Variants in SAMMSON observed in about 807,000 individuals in gnomAD.
The protein encoded by SAMMSON is survival associated mitochondrial melanoma specific oncogenic non-coding RNA.
At chr3:70,045,850 T>G (rs2107587881) in intron 3 of SAMMSON, among the ~76,000 whole-genome samples, 1 of 152,236 alleles carries the variant, frequency 6.6e-6, no homozygotes, top group South Asian at 2.1e-4. Context: ...ATCATACAAA[T>G]TATTCCTTTT....
intron 4 of SAMMSON, among the ~76,000 whole-genome samples, chr3:70,193,444 CA>C (rs1213516640): frequency 2.0e-5 from 3 of 152,164 alleles, no homozygotes; most frequent in Non-Finnish European, 4.4e-5. Flanking sequence ...CAGGAATACA[CA>C]ACTATGCCAG....
intron 3 of SAMMSON, among the ~76,000 whole-genome samples, chr3:70,023,795 A>G (rs1165822185): frequency 1.3e-5 from 2 of 152,164 alleles, no homozygotes; most frequent in Non-Finnish European, 2.9e-5. Context: ...ATGTATTCCA[A>G]TAAAACTTTA....
At chr3:70,283,428 T>C (rs1214865720) in intron 6 of SAMMSON, among the ~76,000 whole-genome samples, 1 of 152,128 alleles carries the variant, frequency 6.6e-6, no homozygotes, top group Non-Finnish European at 1.5e-5. Context: ...CCCTGGATAC[T>C]GTAGAATTGT....
At chr3:70,097,865 T>C (rs953205753) in intron 4 of SAMMSON, among the ~76,000 whole-genome samples, 1 of 152,170 alleles carries the variant, frequency 6.6e-6, no homozygotes, top group Non-Finnish European at 1.5e-5. Flanking sequence ...ACAAACCATT[T>C]CATAGTTCTT....
intron 3 of SAMMSON, among the ~76,000 whole-genome samples, chr3:70,020,968 T>C (rs1209884242): frequency 6.6e-6 from 1 of 152,158 alleles, no homozygotes; most frequent in Non-Finnish European, 1.5e-5. Context: ...GTGTTGGTAA[T>C]GGTGAATGAA....
intron 4 of SAMMSON, among the ~76,000 whole-genome samples, chr3:70,171,649 A>G (rs1700955668): frequency 6.6e-6 from 1 of 151,934 alleles, no homozygotes; most frequent in African/African-American, 2.4e-5. Context: ...TTTTTACTCA[A>G]ATATGAATTA....
intron 7 of SAMMSON, among the ~76,000 whole-genome samples, chr3:70,307,198 G>T (rs552447840): frequency 1.8e-4 from 28 of 152,148 alleles, no homozygotes; most frequent in African/African-American, 6.7e-4. Context: ...TTGTTGTTTT[G>T]GTGGTGGTGT....
chr3:70,123,313 C>T (rs2067442795), intron 4 of SAMMSON, among the ~76,000 whole-genome samples: 1 of 152,210 alleles, frequency 6.6e-6, no homozygotes, highest in Non-Finnish European at 1.5e-5. Context: ...GTTGCCTAGG[C>T]TGGAGTACAG....
chr3:70,395,505 G>GT (rs1701084926), intron 2 of SAMMSON, among the ~76,000 whole-genome samples: 1 of 151,964 alleles, frequency 6.6e-6, no homozygotes, highest in South Asian at 2.1e-4. Flanking sequence ...AAAGTGCCTA[G>GT]TTTTTGCCTA....
At chr3:70,318,464 G>C (rs1283223116) in intron 7 of SAMMSON, among the ~76,000 whole-genome samples, 1 of 150,920 alleles carries the variant, frequency 6.6e-6, no homozygotes. Context: ...TTAACATTTT[G>C]TGTGTGTGTG....
At chr3:70,019,862 C>T (rs1466472083) in intron 3 of SAMMSON, among the ~76,000 whole-genome samples, 5 of 152,044 alleles carry the variant, frequency 3.3e-5, no homozygotes, top group African/African-American at 7.2e-5. Context: ...CAGTAAGGAA[C>T]CCTGTTTGGC....
intron 9 of SAMMSON, among the ~76,000 whole-genome samples, chr3:70,385,374 C>G (rs187970368): frequency 1.3e-5 from 2 of 152,188 alleles, no homozygotes; most frequent in East Asian, 3.9e-4. Flanking sequence ...AAATTGGGCA[C>G]AGCTATTAGC....
At chr3:70,099,491 A>T (rs183607083) in intron 4 of SAMMSON, among the ~76,000 whole-genome samples, 1 of 152,204 alleles carries the variant, frequency 6.6e-6, no homozygotes, top group East Asian at 1.9e-4. Flanking sequence ...TTCTATGGTC[A>T]TTTAGGGTTT....
At chr3:70,080,703 T>TTTTA (rs1469966394) in intron 4 of SAMMSON, among the ~76,000 whole-genome samples, 1 of 152,144 alleles carries the variant, frequency 6.6e-6, no homozygotes, top group African/African-American at 2.4e-5. Flanking sequence ...TTTTTTTTTT[T>TTTTA]TTAACCAAAT....
chr3:70,069,912 A>G (rs909913558), intron 3 of SAMMSON: 3 of 152,104 alleles, frequency 2.0e-5, no homozygotes, highest in Admixed American at 2.0e-4. Context: ...TTATAAGAAG[A>G]TTAGAAATAT....
At position 70,289,766 on chromosome 3, in the gene SAMMSON, T is replaced by C. The variant is rs551052075; in HGVS notation, n.675-1413T>C. Among the ~76,000 whole-genome samples, 348 of 152,302 alleles carry C rather than the reference T, an allele frequency of 2.3e-3. 3 individuals are homozygous for C. Among genetic ancestry groups the C allele is most frequent in the African/African-American group, 8.0e-3 (331 of 41,568 alleles). ...TGGAGGGTTTGCTCGTTTCTTTTTA[T>C]TCTTTTTTCTCTAAACTTTCCTTCT... On this transcript the variant is annotated intron_variant and non_coding_transcript_variant, in intron 6 of 9. Coordinates refer to ENST00000642114, the Ensembl canonical transcript of SAMMSON.
chr3:70,005,023 T>C (rs1309843327), intron 1 of SAMMSON, among the ~76,000 whole-genome samples: 2 of 152,236 alleles, frequency 1.3e-5, no homozygotes, highest in Non-Finnish European at 2.9e-5. Flanking sequence ...GCCAGAACTC[T>C]GAATGCTAGA....
In SAMMSON at chr3:70,044,581, T is replaced by C. The variant is rs1382313493; in HGVS notation, n.418-26895T>C. 2.0e-5 allele frequency among the ~76,000 whole-genome samples: 3 copies of C among 152,106 alleles called. No homozygotes were observed. In the East Asian group the frequency reaches 5.8e-4, roughly 29 times the overall value. On this transcript the variant is annotated intron_variant and non_coding_transcript_variant, in intron 3 of 9. Transcript: ENST00000642114. ...AACTTTGTAGCACTGAGAACAGGTATCAAAGGCAGTGAAGATACGGATTGG... is the reference window on the plus strand; with the variant it reads ...AACTTTGTAGCACTGAGAACAGGTACCAAAGGCAGTGAAGATACGGATTGG...
intron 4 of SAMMSON, among the ~76,000 whole-genome samples, chr3:70,189,607 T>C (rs915942375): frequency 1.5e-4 from 23 of 152,162 alleles, no homozygotes; most frequent in Non-Finnish European, 3.1e-4. Flanking sequence ...AAGAGGCAGA[T>C]GAAAAGGTAA....
Sources: gnomAD v4.1 joint callset for allele counts (sites outside exome capture counted in the v4.1 genomes callset) on GRCh38, gnomAD v4.1.1 for gene constraint, MANE v1.5 for transcripts, NCBI Gene and HGNC (gene_info 2026-07-23, HGNC 2026-07-21) for gene names.